Variants in PRTG observed in about 807,000 individuals in gnomAD.
PRTG encodes the protein immunoglobulin superfamily, DCC subclass, member 5.
Under a neutral mutation model 122.5 loss-of-function variants are expected in PRTG, and 67 were observed. The observed-to-expected ratio is 0.55, with a 90% CI of 0.45 to 0.67. The LOEUF is 0.67. Among genes scored for constraint, PRTG ranks in the 30% least tolerant of loss-of-function variants. PRTG has a pLI of 0.00. For missense variants in PRTG, 1,435 were observed against 1,415.4 expected, an observed-to-expected ratio of 1.01 and a Z score of -0.22; for synonymous variants, 554 against 501.1, an observed-to-expected ratio of 1.11 and a Z score of -1.41.
intron 2 of PRTG, among the ~76,000 whole-genome samples, chr15:55,731,835 C>T (rs2031244307): frequency 6.6e-6 from 1 of 152,178 alleles, no homozygotes; most frequent in Non-Finnish European, 1.5e-5. Context: ...ATTAGCAAAA[C>T]CAGACATATA....
At chr15:55,710,075 G>A (rs1187210884) in intron 2 of PRTG, among the ~76,000 whole-genome samples, 2 of 151,934 alleles carry the variant, frequency 1.3e-5, no homozygotes, top group Non-Finnish European at 2.9e-5. Flanking sequence ...TAAATGCACA[G>A]AAAAAAGCCC....
intron 2 of PRTG, among the ~76,000 whole-genome samples, chr15:55,687,058 A>G (rs2059574214): frequency 6.6e-6 from 1 of 152,230 alleles, no homozygotes; most frequent in South Asian, 2.1e-4. Context: ...TGTTCTTTGC[A>G]GGATACTGCA....
intron 2 of PRTG, among the ~76,000 whole-genome samples, chr15:55,708,148 T>TAAAAAAAAA (rs35216342): frequency 0.011 from 750 of 69,912 alleles, 141 homozygotes; most frequent in African/African-American, 0.016. Context: ...AGTAAGCTGG[T>TAAAAAAAAA]AAAAAAAAAA....
At chr15:55,678,932 C>A (rs193028901) in intron 7 of PRTG, among the ~76,000 whole-genome samples, 1 of 152,122 alleles carries the variant, frequency 6.6e-6, no homozygotes, top group Admixed American at 6.5e-5. Flanking sequence ...TTCTAATTTC[C>A]TCATTTTGTG....
chr15:55,728,975 T>C (rs76925378), intron 2 of PRTG, among the ~76,000 whole-genome samples: 10,699 of 152,150 alleles, frequency 0.07, 468 homozygotes, highest in Non-Finnish European at 0.1. Context: ...GAAAAGGAAA[T>C]TAAACAATTC....
intron 11 of PRTG, among the ~76,000 whole-genome samples, chr15:55,665,694 C>A (rs890439317): frequency 2.6e-5 from 4 of 151,868 alleles, no homozygotes; most frequent in African/African-American, 7.2e-5. Context: ...TACAGGCATG[C>A]ACCACCACCC....
chr15:55,740,371 T>C lies in PRTG; in HGVS notation c.397+11A>G. Reference sequence around the variant, plus strand: ...TGAAAAATGTCAACAACTAAAAACTTAAACACTTACTTGATAAGGCAAGAT... The same window carrying C: ...TGAAAAATGTCAACAACTAAAAACTCAAACACTTACTTGATAAGGCAAGAT... On this transcript the variant is annotated intron_variant, in intron 2 of 19. Coordinates refer to ENST00000389286, the MANE Select transcript of PRTG (RefSeq NM_173814.6). 1.9e-6 allele frequency: 3 copies of C among 1,573,456 alleles called. No individual in the cohort carries two copies. In the South Asian group the frequency reaches 3.6e-5, roughly 19 times the overall value.
Position 55,613,813 on chromosome 15 carries a change from C to T in PRTG, c.*6199G>A, listed in dbSNP as rs937548436. 9.6e-5 allele frequency: 13 copies of T among 135,128 alleles called. No individual in the cohort carries two copies. The highest frequency in any genetic ancestry group is 1.9e-4 in the Non-Finnish European group (12 of 64,460). 8.4% of individuals were successfully genotyped at this position (135,128 alleles called of 1,614,324 possible). A position where few individuals can be genotyped will look rare whatever the true frequency, so the allele number is the denominator to read the frequency against. On this transcript the variant is annotated 3_prime_UTR_variant, in exon 20 of 20. Transcript: ENST00000389286. ...AGACAATGTATCATAGTCCTATACA[C>T]TTCTGAGTAAGGATTAACTAACTAG... is the stretch of plus-strand genomic sequence containing the variant.
chr15:55,667,053 T>G (rs1468306363), intron 11 of PRTG, among the ~76,000 whole-genome samples: 1 of 152,216 alleles, frequency 6.6e-6, no homozygotes, highest in African/African-American at 2.4e-5. Flanking sequence ...TGACACCATT[T>G]AGAGTCACAA....
intron 8 of PRTG, 107 bp downstream of exon 8, chr15:55,677,690 C>A: frequency 9.5e-7 from 1 of 1,058,114 alleles, no homozygotes; most frequent in African/African-American, 1.6e-5. Flanking sequence ...ATAAATGCCA[C>A]CAAATTTCAA....
Position 55,673,911 on chromosome 15 carries a change from T to C in PRTG, c.1547-235A>G, listed in dbSNP as rs148664474. Among the ~76,000 whole-genome samples the C allele has an allele frequency of 9.9e-3, 1,507 of 152,308 alleles. 18 individuals are homozygous for C. Among genetic ancestry groups the C allele is most frequent in the Non-Finnish European group, 0.011 (738 of 68,036 alleles). On this transcript the variant is annotated intron_variant, in intron 9 of 19. Coordinates refer to ENST00000389286, the MANE Select transcript of PRTG (RefSeq NM_173814.6). ...AAGATATTCTTCACTGTGGCTGTGA[T>C]TGTTTTGTTGTTTGGAATGAATATG...
intron 2 of PRTG, among the ~76,000 whole-genome samples, chr15:55,684,182 TAA>T (rs921613433): frequency 5.3e-5 from 8 of 152,194 alleles, no homozygotes; most frequent in African/African-American, 1.9e-4. Context: ...TATTTGGAGA[TAA>T]AAAGTTAACA....
chr15:55,673,628 T>G lies in PRTG; in HGVS notation c.1595A>C (p.Asp532Ala). 6.2e-7 allele frequency: 1 copy of G among 1,614,170 alleles called. No homozygotes were observed. Among genetic ancestry groups the G allele is most frequent in the Non-Finnish European group, 8.5e-7 (1 of 1,180,016 alleles). The change falls in exon 10 of 20, where the codon GAT becomes GCT. Residue 532 changes from aspartate to alanine, a missense_variant. By Grantham distance (126) the Asp-to-Ala change is moderately radical. Coordinates refer to ENST00000389286, the MANE Select transcript of PRTG (RefSeq NM_173814.6). ...EISLTSRSPT[D>A]ILISWLPIPA... ...GATTGGCAGCCAGGAGATGAGAATA[T>G]CAGTGGGACTTCGACTTGTCAAACT...
chr15:55,742,920 A>C lies in PRTG; in HGVS notation c.12T>G (p.Pro4=), dbSNP rs2031663691. The C allele has an allele frequency of 1.3e-6, 2 of 1,524,708 alleles. No individual in the cohort carries two copies. Among genetic ancestry groups the C allele is most frequent in the Non-Finnish European group, 1.8e-6 (2 of 1,135,510 alleles). The allele number at this position is 1,524,708 out of a possible 1,614,324, so 94.4% of individuals were successfully genotyped here. Residue 4 remains proline (P), a synonymous_variant, in exon 1 of 20, where the codon CCT becomes CCG. Transcript: ENST00000389286. MAP[P]LRPLARLRPP... is the part of the protein sequence containing the mutation. Reference sequence around the variant, plus strand: ...GTCGCAGCCGGGCGAGGGGTCGCAGAGGAGGCGCCATTCAGCGTAGCCGCG... The same window carrying C: ...GTCGCAGCCGGGCGAGGGGTCGCAGCGGAGGCGCCATTCAGCGTAGCCGCG...
chr15:55,620,797 A>G (rs776902750), intron 18 of PRTG, 30 bp from the exon 19 acceptor site: 1 of 1,545,648 alleles, frequency 6.5e-7, no homozygotes, highest in Non-Finnish European at 8.8e-7. Flanking sequence ...GAAATGTAAA[A>G]TATCCTGGTA....
intron 11 of PRTG, among the ~76,000 whole-genome samples, chr15:55,642,750 T>G (rs1433507423): frequency 6.6e-6 from 1 of 152,012 alleles, no homozygotes; most frequent in African/African-American, 2.4e-5. Context: ...CGACGTGAAA[T>G]TAAAGGTTAA....
At chr15:55,638,404 G>C in intron 14 of PRTG, 145 bp downstream of exon 14, 1 of 548,084 alleles carries the variant, frequency 1.8e-6, no homozygotes, top group Non-Finnish European at 2.9e-6. Context: ...AATTTCAAAA[G>C]CCAAAAAATG....
intron 15 of PRTG, among the ~76,000 whole-genome samples, chr15:55,629,373 A>ATGTGTGTG (rs1491345628): frequency 2.9e-3 from 159 of 54,278 alleles, no homozygotes; most frequent in South Asian, 3.5e-3. Context: ...ATATATATAT[A>ATGTGTGTG]TATGTGTGTG....
chr15:55,645,433 C>CAAAAAAAAAAAAAAAAA (rs374791424), intron 11 of PRTG, among the ~76,000 whole-genome samples: 3 of 18,952 alleles, frequency 1.6e-4, no homozygotes, highest in East Asian at 7.8e-3. Flanking sequence ...AACTCCGTCT[C>CAAAAAAAAAAAAAAAAA]AAAAAAAAAA....
Sources: gnomAD v4.1 joint callset for allele counts (sites outside exome capture counted in the v4.1 genomes callset) on GRCh38, gnomAD v4.1.1 for gene constraint, MANE v1.5 for transcripts, NCBI Gene and HGNC (gene_info 2026-07-23, HGNC 2026-07-21) for gene names.